Variants in RSPH4A observed in about 807,000 individuals in gnomAD.
The protein encoded by RSPH4A is radial spoke head protein 4 homolog A.
Under a neutral mutation model 71.0 loss-of-function variants are expected in RSPH4A, and 47 were observed. The ratio of observed to expected loss-of-function variants is 0.66; its 90% CI spans 0.52 to 0.84. The LOEUF (loss-of-function observed/expected upper bound fraction) is 0.84. Ranked by LOEUF, RSPH4A falls within the 40% of genes least tolerant of loss-of-function variation. The pLI, the probability that RSPH4A is intolerant of heterozygous loss-of-function variation, is 0.00. For synonymous variants in RSPH4A, 282 were observed against 302.3 expected (o/e 0.93, Z 0.70); for missense variants, 793 against 855.2 (o/e 0.93, Z 0.91).
At chr6:116,623,087 T>A in intron 2 of RSPH4A, 85 bp downstream of exon 2, 2 of 880,244 alleles carry the variant, frequency 2.3e-6, no homozygotes, top group South Asian at 2.7e-5. Context: ...ATACCAACTG[T>A]ATTTTATAGC....
At position 116,616,941 on chromosome 6, in the gene RSPH4A, A is replaced by G; in HGVS notation, c.318A>G (p.Ala106=). 1 of 1,614,158 alleles carries G rather than the reference A, an allele frequency of 6.2e-7. No homozygotes were observed. Residue 106 remains alanine, a synonymous_variant, in exon 1 of 6, where the codon GCA becomes GCG. Coordinates refer to ENST00000229554, the MANE Select transcript of RSPH4A (RefSeq NM_001010892.3). The part of the protein sequence containing the change: ...PLAPARQDLA[A]PPQSDRTTSV... ...CTCCGGCCAGACAAGACCTCGCGGC[A>G]CCACCTCAGTCGGACAGGACCACGA...
chr6:116,626,739 C>CA (rs1775701269), intron 2 of RSPH4A, among the ~76,000 whole-genome samples: 1 of 145,358 alleles, frequency 6.9e-6, no homozygotes, highest in African/African-American at 2.5e-5. Flanking sequence ...ATTTTAAATT[C>CA]AAAATAATTT....
At chr6:116,624,936 G>A (rs62424403) in intron 2 of RSPH4A, among the ~76,000 whole-genome samples, 13 of 152,196 alleles carry the variant, frequency 8.5e-5, no homozygotes, top group Non-Finnish European at 1.5e-4. Flanking sequence ...TAAAGAGACA[G>A]CCTCATATGA....
At chr6:116,627,530 A>G (rs1281308793) in intron 2 of RSPH4A, 99 bp from the exon 3 acceptor site, 1 of 979,560 alleles carries the variant, frequency 1.0e-6, no homozygotes, top group Non-Finnish European at 1.6e-6. Flanking sequence ...ATGTCAAAGA[A>G]GTGGTGGAGA....
Position 116,616,556 on chromosome 6 carries a change from C to T in RSPH4A, c.-68C>T. On this transcript the variant is annotated 5_prime_UTR_variant, in exon 1 of 6. Transcript: ENST00000229554. ...AAGAGACCGCGGCAAAGTAACTTAA[C>T]TGAGTTGCCTTCTTCCATATTTTCA... The T allele has an allele frequency of 2.2e-6, 3 of 1,363,366 alleles. No individual in the cohort carries two copies. The highest frequency in any genetic ancestry group is 3.1e-6 in the Non-Finnish European group (3 of 975,228). The allele number at this position is 1,363,366 out of a possible 1,614,324, so 84.5% of individuals were successfully genotyped here.
At position 116,622,971 on chromosome 6, in the gene RSPH4A, A is replaced by T; in HGVS notation, c.890A>T (p.Glu297Val). 6.2e-7 allele frequency: 1 copy of T among 1,612,464 alleles called. No homozygotes were observed. ...QKALFLQGHL[E>V]GVDQELEDEI... ...GCTCTTTTTCTCCAGGGACATTTGG[A>T]AGGAGTTGACCAAGAATTGGAAGAT... Residue 297 changes from glutamate (E) to valine (V), a missense_variant, in exon 2 of 6, where the codon GAA becomes GTA. By Grantham distance (121) the Glu-to-Val change is moderately radical (BLOSUM62 -2). Coordinates refer to ENST00000229554, the MANE Select transcript of RSPH4A (RefSeq NM_001010892.3).
rs990305442 is a variant in RSPH4A at position 116,622,806 on chromosome 6, A to C, written c.725A>C (p.Asn242Thr). 3.1e-6 allele frequency: 5 copies of C among 1,612,028 alleles called. No homozygotes were observed. The highest frequency in any genetic ancestry group is 4.2e-6 in the Non-Finnish European group (5 of 1,178,176). The stretch of plus-strand genomic sequence containing the variant: ...TCTAATATGTTGACCAAGATATTAA[A>C]TGAGCGTCCTGAAAATGCTGTTGAC... Reference protein sequence around the residue: ...HLSNMLTKILNERPENAVDIF... With the variant: ...HLSNMLTKILTERPENAVDIF... Residue 242 changes from asparagine to threonine, a missense_variant, in exon 2 of 6, where the codon AAT (asparagine) becomes ACT (threonine). Asn to Thr is a moderately conservative substitution (Grantham distance 65). Transcript: ENST00000229554.
At chr6:116,630,225 A>G (rs1045037430) in intron 4 of RSPH4A, among the ~76,000 whole-genome samples, 1 of 152,224 alleles carries the variant, frequency 6.6e-6, no homozygotes, top group African/African-American at 2.4e-5. Flanking sequence ...AAAAATGGAG[A>G]TGTATATTTC....
rs760497912 is a variant in RSPH4A, at chr6:116,630,451, C to A, written c.1815C>A (p.Pro605=). ...ISEDLEIQNI[P]PWTTRLSSNL... ...GGGTTCCAGAGATTCAGAATATACC[C>A]CCCTGGACAACACGGTTATCCTCAA... Residue 605 remains proline, a synonymous_variant, in exon 5 of 6, where the codon CCC becomes CCA. Coordinates refer to ENST00000229554, the MANE Select transcript of RSPH4A (RefSeq NM_001010892.3). 15 of 1,590,072 alleles carry A rather than the reference C, an allele frequency of 9.4e-6. No individual in the cohort carries two copies. Among genetic ancestry groups the A allele is most frequent in the Non-Finnish European group, 7.8e-6 (9 of 1,158,474 alleles).
intron 1 of RSPH4A, among the ~76,000 whole-genome samples, chr6:116,621,378 G>A (rs1388650700): frequency 3.9e-5 from 6 of 151,946 alleles, no homozygotes; most frequent in South Asian, 2.1e-4. Flanking sequence ...AAATAGAGAC[G>A]TTAAATGAAA....
chr6:116,621,583 A>T (rs1775609464), intron 1 of RSPH4A, among the ~76,000 whole-genome samples: 1 of 152,184 alleles, frequency 6.6e-6, no homozygotes, highest in Non-Finnish European at 1.5e-5. Flanking sequence ...TTGTTCTCAG[A>T]AAGAACTCCT....
chr6:116,632,162 A>T, intron 5 of RSPH4A, 45 bp from the exon 6 acceptor site: 1 of 1,436,078 alleles, frequency 7.0e-7, no homozygotes, highest in Non-Finnish European at 9.6e-7. Context: ...TTTTCTGAGA[A>T]ATTATATAAT....
chr6:116,623,210 T>A (rs1023840148), intron 2 of RSPH4A, among the ~76,000 whole-genome samples: 1 of 152,076 alleles, frequency 6.6e-6, no homozygotes, highest in Non-Finnish European at 1.5e-5. Context: ...GCAATTCTCC[T>A]GAGTAGCTGG....
In RSPH4A at chr6:116,618,356, A is replaced by G. The variant is rs142327315; in HGVS notation, c.686+1047A>G. On this transcript the variant is annotated intron_variant, in intron 1 of 5. Transcript: ENST00000229554. ...TTATATTTTAATATCTGACTCTCCC[A>G]CTAGATTGGAGGCCCCCAGAGAGCA... Among the ~76,000 whole-genome samples, 8 of 152,350 alleles carry G rather than the reference A, an allele frequency of 5.3e-5. No homozygotes were observed. The East Asian group carries it at 1.5e-3, about 29-fold the overall frequency.
intron 5 of RSPH4A, among the ~76,000 whole-genome samples, chr6:116,631,487 C>T (rs1044086080): frequency 4.6e-5 from 7 of 152,082 alleles, no homozygotes; most frequent in Non-Finnish European, 1.0e-4. Flanking sequence ...CAAGGGAATC[C>T]TCAAACGGCT....
chr6:116,632,324 GGAT>G lies in RSPH4A; in HGVS notation c.2038_2040del (p.Asp680del). On this transcript the variant is annotated inframe_deletion, in exon 6 of 6. Transcript: ENST00000229554. ...CCAGTGGACCAGAAATTACAGAAATGGATGATCCTAGTGTGGAGGAGGAGCAGG... is the reference window on the plus strand; with the variant it reads ...CCAGTGGACCAGAAATTACAGAAATGGATCCTAGTGTGGAGGAGGAGCAGG... 1 of 1,613,942 alleles carries G rather than the reference GGAT, an allele frequency of 6.2e-7. No individual in the cohort carries two copies. Among genetic ancestry groups the G allele is most frequent in the Non-Finnish European group, 8.5e-7 (1 of 1,179,996 alleles).
At chr6:116,622,370 AGAAATAAAATGT>A (rs1775624602) in intron 1 of RSPH4A, among the ~76,000 whole-genome samples, 1 of 152,218 alleles carries the variant, frequency 6.6e-6, no homozygotes, top group African/African-American at 2.4e-5. Flanking sequence ...TTGTAATTTC[AGAAATAAAATGT>A]GAAAATGTAC....
Position 116,632,764 on chromosome 6 carries a change from G to A in RSPH4A, c.*323G>A. ...CTCAGGTTTCACATGGTCCAGGTGA[G>A]GTAAAACAATTAAAATAAATAAATA... On this transcript the variant is annotated 3_prime_UTR_variant, in exon 6 of 6. Coordinates refer to ENST00000229554, the MANE Select transcript of RSPH4A (RefSeq NM_001010892.3). 5 of 232,172 alleles carry A rather than the reference G, an allele frequency of 2.2e-5. No homozygotes were observed. Among genetic ancestry groups the A allele is most frequent in the Non-Finnish European group, 3.4e-5 (4 of 116,772 alleles). 14.4% of individuals were successfully genotyped at this position (232,172 alleles called of 1,614,324 possible).
In RSPH4A at chr6:116,616,700, G is replaced by T. The variant is rs1362106526; in HGVS notation, c.77G>T (p.Gly26Val). ...GGGGAAACAAGGCGGCCATGGGAAG[G>T]AAAGACAGCAGCTTCTCCCCAATAT... ...ELGETRRPWE[G>V]KTAASPQYSE... is the part of the protein sequence containing the mutation. Residue 26 changes from glycine to valine, a missense_variant, in exon 1 of 6, where the codon GGA (glycine) becomes GTA (valine). By Grantham distance (109) the Gly-to-Val change is moderately radical (BLOSUM62 -3). Coordinates refer to ENST00000229554, the MANE Select transcript of RSPH4A (RefSeq NM_001010892.3). The T allele has an allele frequency of 6.2e-7, 1 of 1,614,184 alleles. No individual in the cohort carries two copies. Among genetic ancestry groups the T allele is most frequent in the East Asian group, 2.2e-5 (1 of 44,878 alleles).
Sources: allele counts gnomAD v4.1 joint callset (sites outside exome capture counted in the v4.1 genomes callset), GRCh38; gene constraint gnomAD v4.1.1; transcripts MANE v1.5; gene names NCBI Gene and HGNC (gene_info 2026-07-23, HGNC 2026-07-21).